Variants in GHR observed in about 807,000 individuals in gnomAD.
GHR encodes the protein GH receptor.
A neutral mutation model predicts 67.1 loss-of-function variants in GHR; 35 were observed. That is an observed-to-expected ratio of 0.52 (90% CI 0.40 to 0.69). GHR has a LOEUF of 0.69. Among genes scored for constraint, GHR ranks in the 30% least tolerant of loss-of-function variants. The pLI is 0.00. For missense variants in GHR, 792 were observed against 764.6 expected (o/e 1.04, Z -0.42); for synonymous variants, 272 against 269.1 (o/e 1.01, Z -0.10).
chr5:42,490,667 G>T (rs1746077338), intron 1 of GHR, among the ~76,000 whole-genome samples: 1 of 152,200 alleles, frequency 6.6e-6, no homozygotes, highest in Non-Finnish European at 1.5e-5. Flanking sequence ...AAGAAATAAA[G>T]ATTGCCTTCC....
intron 3 of GHR, among the ~76,000 whole-genome samples, chr5:42,677,793 G>C (rs1373107649): frequency 6.6e-6 from 1 of 152,054 alleles, no homozygotes; most frequent in Non-Finnish European, 1.5e-5. Flanking sequence ...TCTTCTTCCA[G>C]TGTAGCCCAG....
At chr5:42,476,583 CATG>C (rs1255763362) in intron 1 of GHR, among the ~76,000 whole-genome samples, 1 of 152,164 alleles carries the variant, frequency 6.6e-6, no homozygotes, top group Non-Finnish European at 1.5e-5. Flanking sequence ...TTATGAAAAT[CATG>C]ATGAGAAACT....
intron 1 of GHR, among the ~76,000 whole-genome samples, chr5:42,472,314 C>G (rs965396602): frequency 1.3e-5 from 2 of 152,124 alleles, no homozygotes; most frequent in Non-Finnish European, 2.9e-5. Flanking sequence ...TTAATTTGAG[C>G]CAAGCATTTG....
chr5:42,461,444 ATCT>A (rs1292883149), intron 1 of GHR, among the ~76,000 whole-genome samples: 54 of 152,272 alleles, frequency 3.5e-4, no homozygotes, highest in Non-Finnish European at 5.1e-4. Context: ...GGCCACACTG[ATCT>A]TCTTTCAGGT....
rs116139671 is a variant in GHR, at chr5:42,693,566, T to C, written c.267-1351T>C. 7.8e-3 allele frequency among the ~76,000 whole-genome samples: 1,187 copies of C among 152,264 alleles called. 5 individuals are homozygous for C. The highest frequency in any genetic ancestry group is 0.02 in the South Asian group (96 of 4,822). ...AGCAGCTGTCTCAAGGACCCTCTGA[T>C]ACTACACAAGTTTTCTCCTAGTGCC... On this transcript the variant is annotated intron_variant, in intron 4 of 9. Coordinates refer to ENST00000230882, the MANE Select transcript of GHR (RefSeq NM_000163.5).
At chr5:42,590,405 G>A (rs765148464) in intron 2 of GHR, among the ~76,000 whole-genome samples, 9 of 152,160 alleles carry the variant, frequency 5.9e-5, no homozygotes, top group Non-Finnish European at 1.0e-4. Flanking sequence ...TTTCTACTCA[G>A]CTACTCAATG....
chr5:42,660,119 G>C (rs192753959), intron 3 of GHR, among the ~76,000 whole-genome samples: 2 of 152,300 alleles, frequency 1.3e-5, no homozygotes, highest in East Asian at 3.9e-4. Flanking sequence ...CTCGAACTGG[G>C]TGGAGCCCAC....
intron 2 of GHR, among the ~76,000 whole-genome samples, chr5:42,566,909 A>G (rs1043842817): frequency 1.3e-5 from 2 of 152,202 alleles, no homozygotes; most frequent in Non-Finnish European, 2.9e-5. Context: ...TGAGCTGCTG[A>G]GGGTGACCAC....
chr5:42,690,356 G>A (rs1050808302), intron 4 of GHR, among the ~76,000 whole-genome samples: 1 of 152,184 alleles, frequency 6.6e-6, no homozygotes. Context: ...TTGCAGAAAG[G>A]AGATAATGGA....
At position 42,689,101 on chromosome 5, in the gene GHR, G is replaced by A. The variant is rs1285492427; in HGVS notation, c.266+82G>A. The A allele has an allele frequency of 2.8e-5, 34 of 1,197,300 alleles. 1 individual carries two copies. In the East Asian group the frequency reaches 7.9e-4, roughly 28 times the overall value. The allele number at this position is 1,197,300 out of a possible 1,614,324, so 74.2% of individuals were successfully genotyped here. A position where few individuals can be genotyped will look rare whatever the true frequency, so the allele number is the denominator to read the frequency against. ...ACTGAGTCAGATGTACTGTGGGAAT[G>A]GAAGTGATTTGTTGTGATTTATGCA... On this transcript the variant is annotated intron_variant, in intron 4 of 9. Coordinates refer to ENST00000230882, the MANE Select transcript of GHR (RefSeq NM_000163.5).
At chr5:42,711,452 TG>T (rs2111819496) in intron 7 of GHR, 80 bp downstream of exon 7, 1 of 960,848 alleles carries the variant, frequency 1.0e-6, no homozygotes, top group East Asian at 2.4e-5. Context: ...GCACTGGTAG[TG>T]TGTTGTCCAA....
intron 1 of GHR, among the ~76,000 whole-genome samples, chr5:42,430,696 T>C (rs946758964): frequency 7.9e-5 from 12 of 151,854 alleles, no homozygotes; most frequent in Non-Finnish European, 1.5e-4. Flanking sequence ...ACACATTTGC[T>C]TTTTTGCTTT....
chr5:42,476,323 G>C (rs1579775681), intron 1 of GHR, among the ~76,000 whole-genome samples: 1 of 147,274 alleles, frequency 6.8e-6, no homozygotes, highest in Non-Finnish European at 1.5e-5. Context: ...AGGTTCAAGT[G>C]ATTCCCCTGC....
chr5:42,499,916 C>G (rs1746470409), intron 1 of GHR, among the ~76,000 whole-genome samples: 1 of 152,210 alleles, frequency 6.6e-6, no homozygotes, highest in Non-Finnish European at 1.5e-5. Flanking sequence ...CAGTTGCACA[C>G]AGGCAAGCAT....
intron 3 of GHR, among the ~76,000 whole-genome samples, chr5:42,674,499 C>A (rs1756473885): frequency 6.6e-6 from 1 of 152,242 alleles, no homozygotes; most frequent in Admixed American, 6.5e-5. Flanking sequence ...CATTAGTAGT[C>A]ACTCCCAGTT....
intron 1 of GHR, among the ~76,000 whole-genome samples, chr5:42,512,274 G>A (rs950006483): frequency 7.9e-5 from 12 of 152,064 alleles, no homozygotes. Flanking sequence ...GAATGGTGGG[G>A]GGATCCAGGA....
chr5:42,467,938 G>C (rs2972412), intron 1 of GHR: 136,627 of 717,320 alleles, frequency 0.19, 14,586 homozygotes, highest in African/African-American at 0.28. Flanking sequence ...CATTCACTAT[G>C]ACTTATCTGA....
intron 1 of GHR, among the ~76,000 whole-genome samples, chr5:42,470,175 A>ATATATTATATACTAT (rs1287198378): frequency 1.4e-5 from 2 of 142,834 alleles, no homozygotes; most frequent in Non-Finnish European, 3.1e-5. Context: ...AGATATAATT[A>ATATATTATATACTAT]TATATTATAT....
intron 1 of GHR, among the ~76,000 whole-genome samples, chr5:42,480,007 T>C (rs1745542687): frequency 6.6e-6 from 1 of 152,234 alleles, no homozygotes; most frequent in Admixed American, 6.5e-5. Flanking sequence ...CTTTCCTGCT[T>C]TCTCTGGTGG....
Sources: gnomAD v4.1 joint callset for allele counts (sites outside exome capture counted in the v4.1 genomes callset) on GRCh38, gnomAD v4.1.1 for gene constraint, MANE v1.5 for transcripts, NCBI Gene and HGNC (gene_info 2026-07-23, HGNC 2026-07-21) for gene names.